Variants in MACROD2 observed in about 807,000 individuals in gnomAD.
The protein encoded by MACROD2 is mono-ADP ribosylhydrolase 2.
A neutral mutation model predicts 70.4 loss-of-function variants in MACROD2; 36 were observed. That is an observed-to-expected ratio of 0.51 (90% CI 0.39 to 0.68). MACROD2 has a LOEUF of 0.68. MACROD2 is among the 30% of genes least tolerant of loss of function. The probability of loss-of-function intolerance (pLI) is 0.00; values close to 1 mark genes in which losing one functional copy is unlikely to be tolerated. For missense variants in MACROD2, 496 were observed against 538.4 expected, an observed-to-expected ratio of 0.92 and a Z score of 0.78; for synonymous variants, 172 against 178.8, an observed-to-expected ratio of 0.96 and a Z score of 0.30.
intron 8 of MACROD2, among the ~76,000 whole-genome samples, chr20:15,678,795 TG>T (rs11477048): frequency 0.43 from 64,954 of 151,818 alleles, 14,194 homozygotes; most frequent in East Asian, 0.59. Context: ...AGTGGTGTGT[TG>T]GGAAACTGAT....
chr20:15,143,493 C>T (rs1421968649), intron 5 of MACROD2, among the ~76,000 whole-genome samples: 2 of 152,110 alleles, frequency 1.3e-5, no homozygotes, highest in Non-Finnish European at 2.9e-5. Context: ...GTTTCTTTTG[C>T]TGTGCAGAAG....
intron 5 of MACROD2, among the ~76,000 whole-genome samples, chr20:15,222,152 G>C (rs1356349402): frequency 1.3e-5 from 2 of 152,160 alleles, no homozygotes; most frequent in Non-Finnish European, 2.9e-5. Context: ...AATGACTATA[G>C]TCTTTCCGGA....
chr20:16,021,336 G>T (rs1040671483), intron 15 of MACROD2, among the ~76,000 whole-genome samples: 3 of 152,120 alleles, frequency 2.0e-5, no homozygotes, highest in Admixed American at 2.0e-4. Flanking sequence ...TTTTGTGTTG[G>T]ATCCTCCAAT....
chr20:14,442,573 A>C (rs1466837939), intron 3 of MACROD2, among the ~76,000 whole-genome samples: 1 of 152,064 alleles, frequency 6.6e-6, no homozygotes, highest in Non-Finnish European at 1.5e-5. Context: ...CTTTTAAACT[A>C]AAGTCTTTCA....
At position 15,185,843 on chromosome 20, in the gene MACROD2, C is replaced by A. The variant is rs147251819; in HGVS notation, c.419-44097C>A. The stretch of plus-strand genomic sequence containing the variant: ...AATACTAGAAGGAAATGAGTTTCCA[C>A]CATTTATCATCAAGTTTCAAAGTGG... On this transcript the variant is annotated intron_variant, in intron 5 of 17. Transcript: ENST00000684519. Among the ~76,000 whole-genome samples the A allele has an allele frequency of 2.9e-3, 444 of 152,274 alleles. 6 individuals are homozygous for A. The East Asian group carries it at 0.034, about 12-fold the overall frequency.
chr20:15,829,258 A>AT (rs1178244573), intron 8 of MACROD2, among the ~76,000 whole-genome samples: 1 of 152,032 alleles, frequency 6.6e-6, no homozygotes, highest in African/African-American at 2.4e-5. Context: ...TTATACTCAG[A>AT]TTTTACCATG....
chr20:15,297,032 T>TG (rs1460855810), intron 6 of MACROD2, among the ~76,000 whole-genome samples: 1 of 152,312 alleles, frequency 6.6e-6, no homozygotes, highest in East Asian at 1.9e-4. Flanking sequence ...GCAAGCCCCA[T>TG]GGTCAGATAC....
chr20:15,457,055 CTT>C (rs67567968), intron 7 of MACROD2, among the ~76,000 whole-genome samples: 54,864 of 131,662 alleles, frequency 0.42, 11,489 homozygotes, highest in Non-Finnish European at 0.46. Flanking sequence ...TTCCTTTCTT[CTT>C]TTTTTTTTTT....
At chr20:15,771,170 T>A (rs150296704) in intron 8 of MACROD2, among the ~76,000 whole-genome samples, 1 of 152,016 alleles carries the variant, frequency 6.6e-6, no homozygotes, top group East Asian at 1.9e-4. Flanking sequence ...TGTCTCTTCT[T>A]CTTGTGTTTG....
intron 3 of MACROD2, among the ~76,000 whole-genome samples, chr20:14,430,399 T>G (rs2083981961): frequency 6.6e-6 from 1 of 152,098 alleles, no homozygotes; most frequent in South Asian, 2.1e-4. Flanking sequence ...GGATCTAGGT[T>G]AGGCAGTAAC....
At chr20:15,788,849 G>A (rs891867447) in intron 8 of MACROD2, among the ~76,000 whole-genome samples, 4 of 152,082 alleles carry the variant, frequency 2.6e-5, no homozygotes, top group African/African-American at 9.7e-5. Flanking sequence ...TTGGCGTAAG[G>A]TTATATTAAA....
intron 8 of MACROD2, among the ~76,000 whole-genome samples, chr20:15,571,012 C>A (rs1014501020): frequency 6.6e-6 from 1 of 152,118 alleles, no homozygotes; most frequent in African/African-American, 2.4e-5. Flanking sequence ...TCTTTCTACC[C>A]ACTATTATCA....
chr20:14,616,792 C>T (rs1983509463), intron 4 of MACROD2, among the ~76,000 whole-genome samples: 1 of 152,076 alleles, frequency 6.6e-6, no homozygotes, highest in Non-Finnish European at 1.5e-5. Context: ...TTTCCTACTT[C>T]ATCTTAATGT....
At chr20:16,041,507 A>G (rs1279886753) in intron 16 of MACROD2, among the ~76,000 whole-genome samples, 4 of 152,002 alleles carry the variant, frequency 2.6e-5, no homozygotes, top group African/African-American at 9.7e-5. Flanking sequence ...TGGTTTAATC[A>G]TATCTTATAA....
chr20:14,001,703 C>T (rs947570384), intron 1 of MACROD2, among the ~76,000 whole-genome samples: 1 of 152,060 alleles, frequency 6.6e-6, no homozygotes, highest in Non-Finnish European at 1.5e-5. Context: ...GGAGCTTTTA[C>T]TTACAGGGCA....
chr20:15,855,436 T>C (rs967804816), intron 8 of MACROD2, among the ~76,000 whole-genome samples: 4 of 152,176 alleles, frequency 2.6e-5, no homozygotes, highest in Admixed American at 6.5e-5. Flanking sequence ...GAGGTCAGCT[T>C]GTAAAGGACT....
intron 3 of MACROD2, among the ~76,000 whole-genome samples, chr20:14,173,776 G>T (rs1038618118): frequency 6.6e-6 from 1 of 152,076 alleles, no homozygotes; most frequent in African/African-American, 2.4e-5. Flanking sequence ...AGGGCTCAAG[G>T]GCTGCTGTTC....
chr20:15,104,180 C>T (rs575822650), intron 5 of MACROD2, among the ~76,000 whole-genome samples: 1 of 152,244 alleles, frequency 6.6e-6, no homozygotes, highest in South Asian at 2.1e-4. Flanking sequence ...AATAAAGTGG[C>T]TCTTGGGACG....
chr20:15,056,363 C>G (rs1311759224), intron 5 of MACROD2, among the ~76,000 whole-genome samples: 1 of 146,488 alleles, frequency 6.8e-6, no homozygotes, highest in East Asian at 2.1e-4. Flanking sequence ...GTTTACATGC[C>G]TTGCCCCAAG....
Sources: gnomAD v4.1 joint callset for allele counts (sites outside exome capture counted in the v4.1 genomes callset) on GRCh38, gnomAD v4.1.1 for gene constraint, MANE v1.5 for transcripts, NCBI Gene and HGNC (gene_info 2026-07-23, HGNC 2026-07-21) for gene names.